The following PRRG1 variants were observed in gnomAD, a reference collection of about 807,000 sequenced individuals.
PRRG1 encodes transmembrane gamma-carboxyglutamic acid protein 1.
In PRRG1, 5 loss-of-function variants were observed where a neutral mutation model predicts 11.8. That is an observed-to-expected ratio of 0.42 (90% confidence interval 0.22 to 0.89). The LOEUF (loss-of-function observed/expected upper bound fraction) is 0.89, where lower values mean the gene tolerates loss of function less well. Among genes scored for constraint, PRRG1 ranks in the 40% least tolerant of loss-of-function variants. The probability of loss-of-function intolerance (pLI) is 0.28; values close to 1 mark genes in which losing one functional copy is unlikely to be tolerated. For synonymous variants in PRRG1, 66 were observed against 60.4 expected, an observed-to-expected ratio of 1.09 and a Z score of -0.43; for missense variants, 155 against 166.1, an observed-to-expected ratio of 0.93 and a Z score of 0.37.
At chrX:37,364,610 C>T (rs1556368605) in intron 1 of PRRG1, among the ~76,000 whole-genome samples, 5 of 111,558 alleles carry the variant, frequency 4.5e-5, no homozygotes, top group Non-Finnish European at 9.4e-5. Context: ...CCCCATTCTC[C>T]ATTTCTTTCT....
At chrX:37,437,290 C>T (rs782760853) in intron 3 of PRRG1, among the ~76,000 whole-genome samples, 1 of 110,714 alleles carries the variant, frequency 9.0e-6, no homozygotes, top group South Asian at 4.0e-4. Context: ...AAGTAGTAGA[C>T]TTCTTCAGTC....
At chrX:37,410,112 T>C (rs986652989) in intron 2 of PRRG1, among the ~76,000 whole-genome samples, 4 of 111,875 alleles carry the variant, frequency 3.6e-5, no homozygotes, top group African/African-American at 1.3e-4. Context: ...TGAAATCCCA[T>C]TCACTATGTA....
At chrX:37,420,668 C>CAAAAAAAAAAAAAAAAAAA (rs1302856034) in intron 2 of PRRG1, among the ~76,000 whole-genome samples, 9 of 29,514 alleles carry the variant, frequency 3.0e-4, no homozygotes, top group African/African-American at 8.5e-4. Flanking sequence ...CCCGTCTATG[C>CAAAAAAAAAAAAAAAAAAA]AAAAAAAAAA....
At chrX:37,432,307 C>A (rs782228366) in intron 3 of PRRG1, among the ~76,000 whole-genome samples, 2 of 89,693 alleles carry the variant, frequency 2.2e-5, no homozygotes, top group Non-Finnish European at 3.9e-5. Flanking sequence ...AGGATGGTCT[C>A]GATCTCCTGA....
chrX:37,403,445 C>A (rs1306967806), intron 1 of PRRG1, among the ~76,000 whole-genome samples: 1 of 80,335 alleles, frequency 1.2e-5, no homozygotes, highest in Non-Finnish European at 2.2e-5. Flanking sequence ...CACATGGACA[C>A]AGGAAGGGGA....
At chrX:37,360,841 G>A (rs1601969501) in intron 1 of PRRG1, among the ~76,000 whole-genome samples, 1 of 112,373 alleles carries the variant, frequency 8.9e-6, no homozygotes, top group Non-Finnish European at 1.9e-5. Context: ...AAATAATGTT[G>A]CCATTGCAAG....
chrX:37,365,679 A>G (rs782632393), intron 1 of PRRG1, among the ~76,000 whole-genome samples: 1 of 112,356 alleles, frequency 8.9e-6, no homozygotes. Context: ...CTTATTTTAT[A>G]GCTTATGTTC....
chrX:37,436,976 C>T (rs782228942), intron 3 of PRRG1, among the ~76,000 whole-genome samples: 3 of 112,358 alleles, frequency 2.7e-5, no homozygotes, highest in South Asian at 3.7e-4. Context: ...TTTGGAACCT[C>T]TTGAAAATAA....
rs1931950561 is a variant in PRRG1 at position 37,400,959 on chromosome X, C to G, written c.-41-5250C>G. Among the ~76,000 whole-genome samples the G allele has an allele frequency of 2.7e-5, 3 of 110,704 alleles. No homozygotes were observed. The South Asian group carries it at 1.2e-3, about 43-fold the overall frequency. On this transcript the variant is annotated intron_variant, in intron 1 of 3. Coordinates refer to ENST00000378628, the MANE Select transcript of PRRG1 (RefSeq NM_001142395.2). ...GAAGAAGTTGAATCTCTGAATAGAC[C>G]AATAACAGGCTCTGAAATTGTGGCA...
intron 3 of PRRG1, chrX:37,441,903 C>T: frequency 1.3e-6 from 1 of 772,512 alleles, no homozygotes; most frequent in Non-Finnish European, 1.5e-6. Flanking sequence ...AGAAAGGTGA[C>T]CCCCAGCTAT....
chrX:37,450,684 G>A (rs1394839456), intron 3 of PRRG1, among the ~76,000 whole-genome samples: 5 of 111,752 alleles, frequency 4.5e-5, no homozygotes, highest in African/African-American at 1.6e-4. Context: ...GGTATTTTTG[G>A]ATAAATTGAA....
intron 1 of PRRG1, among the ~76,000 whole-genome samples, chrX:37,377,012 G>T (rs1930988051): frequency 9.1e-6 from 1 of 110,208 alleles, no homozygotes; most frequent in Non-Finnish European, 1.9e-5. Context: ...TATTAATTAG[G>T]GATTCACCAT....
chrX:37,374,212 G>A (rs782645981), intron 1 of PRRG1, among the ~76,000 whole-genome samples: 2 of 111,446 alleles, frequency 1.8e-5, no homozygotes, highest in African/African-American at 6.5e-5. Flanking sequence ...GTTCGTCAGG[G>A]ATATTTGTCT....
rs1433949651 is a variant in PRRG1, at chrX:37,455,297, CA to C, written c.*1678del. On this transcript the variant is annotated 3_prime_UTR_variant, in exon 4 of 4. Transcript: ENST00000378628. The stretch of plus-strand genomic sequence containing the variant: ...GTCCTGCACTTCTCTAAGGGCTTTA[CA>C]AGGATCAAATAAGATGGTGTGTATG... The C allele has an allele frequency of 3.6e-5, 4 of 112,155 alleles. No individual in the cohort carries two copies. The highest frequency in any genetic ancestry group is 1.3e-4 in the African/African-American group (4 of 30,822). The allele number at this position is 112,155 out of a possible 1,213,427, so 9.2% of individuals were successfully genotyped here. A position where few individuals can be genotyped will look rare whatever the true frequency, so the allele number is the denominator to read the frequency against.
chrX:37,448,108 G>A (rs1053940195), intron 3 of PRRG1, among the ~76,000 whole-genome samples: 2 of 112,000 alleles, frequency 1.8e-5, no homozygotes, highest in East Asian at 2.8e-4. Context: ...GGTTCTTGAT[G>A]TGTTGAGCAA....
chrX:37,420,545 A>AC (rs782587586), intron 2 of PRRG1, among the ~76,000 whole-genome samples: 1 of 108,496 alleles, frequency 9.2e-6, no homozygotes, highest in Non-Finnish European at 1.9e-5. Flanking sequence ...AAAATAGGGC[A>AC]CCTATGGCCA....
Position 37,455,064 on chromosome X carries a change from C to G in PRRG1, c.*1443C>G, listed in dbSNP as rs782153014. 5 of 111,581 alleles carry G rather than the reference C, an allele frequency of 4.5e-5. No homozygotes were observed. The highest frequency in any genetic ancestry group is 9.4e-5 in the Non-Finnish European group (5 of 53,124). The allele number at this position is 111,581 out of a possible 1,213,427, so 9.2% of individuals were successfully genotyped here. A position where few individuals can be genotyped will look rare whatever the true frequency, so the allele number is the denominator to read the frequency against. The stretch of plus-strand genomic sequence containing the variant: ...TAGGTTTCAGGTGTGTCATTTCCTG[C>G]TGCTTCCAGCTCCATCCCTACAGAC... On this transcript the variant is annotated 3_prime_UTR_variant, in exon 4 of 4. Coordinates refer to ENST00000378628, the MANE Select transcript of PRRG1 (RefSeq NM_001142395.2).
chrX:37,363,547 T>G (rs902402363), intron 1 of PRRG1, among the ~76,000 whole-genome samples: 4 of 112,104 alleles, frequency 3.6e-5, no homozygotes, highest in Non-Finnish European at 7.5e-5. Flanking sequence ...GATCACCTAC[T>G]CAGGTATTGT....
intron 1 of PRRG1, among the ~76,000 whole-genome samples, chrX:37,391,536 T>C (rs1441221224): frequency 2.7e-5 from 3 of 111,615 alleles, no homozygotes; most frequent in Non-Finnish European, 5.6e-5. Context: ...GTGGAGAAAA[T>C]ATTTGTTTTT....
Sources: allele counts gnomAD v4.1 joint callset (sites outside exome capture counted in the v4.1 genomes callset), GRCh38; gene constraint gnomAD v4.1.1; transcripts MANE v1.5; gene names NCBI Gene and HGNC (gene_info 2026-07-23, HGNC 2026-07-21).